The following LEKR1 variants were observed in gnomAD, a reference collection of about 807,000 sequenced individuals.
LEKR1 encodes the protein leucine, glutamate and lysine rich 1, also known as protein LEKR1.
LEKR1 carries 59 observed loss-of-function variants against 72.4 expected under a neutral mutation model. That is an observed-to-expected ratio of 0.82 (90% CI 0.66 to 1.01). The LOEUF is 1.01. LEKR1 is among the 50% of genes least tolerant of loss of function. The pLI is 0.00. For synonymous variants in LEKR1, 257 were observed against 263.2 expected, an observed-to-expected ratio of 0.98 and a Z score of 0.23; for missense variants, 728 against 759.2, an observed-to-expected ratio of 0.96 and a Z score of 0.48.
chr3:156,847,393 A>C (rs954925253), intron 2 of LEKR1, among the ~76,000 whole-genome samples: 2 of 152,222 alleles, frequency 1.3e-5, no homozygotes, highest in Non-Finnish European at 2.9e-5. Context: ...AGAACACCAG[A>C]ACATCCTGTT....
At chr3:157,000,980 C>T (rs758751272) in intron 9 of LEKR1, among the ~76,000 whole-genome samples, 3 of 152,188 alleles carry the variant, frequency 2.0e-5, no homozygotes, top group African/African-American at 7.2e-5. Flanking sequence ...CTTGGCACAT[C>T]TCCTTCCTGC....
In LEKR1 at chr3:157,045,415, A is replaced by C. The variant is rs1359744261; in HGVS notation, c.1744A>C (p.Arg582=). 3 of 1,614,172 alleles carry C rather than the reference A, an allele frequency of 1.9e-6. No homozygotes were observed. The South Asian group carries it at 3.3e-5, about 18-fold the overall frequency. The change falls in exon 13 of 13, where the codon AGA becomes CGA. Residue 582 remains arginine, a synonymous_variant. Transcript: ENST00000356539. ...FELTEALSQA[R]EQLLELSKLR... ...ACTGACAGAGGCTTTGAGTCAAGCC[A>C]GAGAACAGCTCCTGGAGCTCAGTAA...
At position 156,932,691 on chromosome 3, in the gene LEKR1, G is replaced by T. The variant is rs1303635266; in HGVS notation, c.559+5087G>T. Reference sequence around the variant, plus strand: ...ACTGCACTCCAGCCTGGGTGACAGAGTGAGACTCTGTCTCAAAAAAAAAAA... The same window carrying T: ...ACTGCACTCCAGCCTGGGTGACAGATTGAGACTCTGTCTCAAAAAAAAAAA... On this transcript the variant is annotated intron_variant, in intron 5 of 12. Coordinates refer to ENST00000356539, the MANE Select transcript of LEKR1 (RefSeq NM_001004316.3). 6.0e-5 allele frequency among the ~76,000 whole-genome samples: 8 copies of T among 132,492 alleles called. No homozygotes were observed. In the East Asian group the frequency reaches 1.7e-3, roughly 29 times the overall value. The allele number at this position is 132,492 out of a possible 152,430, so 86.9% of individuals were successfully genotyped here.
At chr3:156,979,065 G>A (rs1363289162) in intron 6 of LEKR1, 129 bp from the exon 7 acceptor site, 1 of 393,676 alleles carries the variant, frequency 2.5e-6, no homozygotes, top group African/African-American at 2.1e-5. Context: ...GGACATACAG[G>A]CAAAGTGGAA....
chr3:156,935,532 T>C (rs936031712), intron 5 of LEKR1, among the ~76,000 whole-genome samples: 20 of 152,206 alleles, frequency 1.3e-4, no homozygotes, highest in Admixed American at 7.2e-4. Flanking sequence ...AATAGCTATA[T>C]AAACATGCCA....
chr3:156,965,144 A>G (rs561727135), intron 6 of LEKR1, among the ~76,000 whole-genome samples: 1 of 152,282 alleles, frequency 6.6e-6, no homozygotes, highest in Admixed American at 6.5e-5. Context: ...TATTTTTCCT[A>G]TGTGATAGGT....
chr3:157,028,999 G>A (rs1352470724), intron 12 of LEKR1, among the ~76,000 whole-genome samples: 1 of 152,118 alleles, frequency 6.6e-6, no homozygotes, highest in East Asian at 1.9e-4. Flanking sequence ...TAGAAATACT[G>A]AAACAATTCA....
At chr3:156,902,515 G>A (rs1576785685) in intron 3 of LEKR1, among the ~76,000 whole-genome samples, 3 of 152,022 alleles carry the variant, frequency 2.0e-5, no homozygotes, top group South Asian at 2.1e-4. Context: ...GTATTTAGCT[G>A]AGGGACAAAC....
At chr3:156,993,350 A>G in intron 9 of LEKR1, 73 bp downstream of exon 9, 1 of 912,180 alleles carries the variant, frequency 1.1e-6, no homozygotes, top group South Asian at 1.8e-5. Context: ...TTGCAACATC[A>G]GTGTCTGACA....
At chr3:157,030,175 A>G (rs1048766690) in intron 12 of LEKR1, among the ~76,000 whole-genome samples, 2 of 152,140 alleles carry the variant, frequency 1.3e-5, no homozygotes, top group African/African-American at 4.8e-5. Context: ...ATTATTTTAA[A>G]CAACCAAATC....
At chr3:156,894,108 C>A (rs1261393642) in intron 3 of LEKR1, among the ~76,000 whole-genome samples, 1 of 152,198 alleles carries the variant, frequency 6.6e-6, no homozygotes, top group Non-Finnish European at 1.5e-5. Context: ...TTTAATGGAG[C>A]AGACTTCATC....
intron 3 of LEKR1, among the ~76,000 whole-genome samples, chr3:156,868,701 A>C (rs548320322): frequency 3.5e-4 from 53 of 152,112 alleles, no homozygotes; most frequent in African/African-American, 1.3e-3. Context: ...GAATATTTCA[A>C]ATTATCTCTT....
At chr3:156,876,046 A>G (rs150503926) in intron 3 of LEKR1, among the ~76,000 whole-genome samples, 35 of 150,178 alleles carry the variant, frequency 2.3e-4, no homozygotes, top group Non-Finnish European at 4.1e-4. Flanking sequence ...ATTCTTCTAC[A>G]TGTGGCTTGC....
intron 6 of LEKR1, among the ~76,000 whole-genome samples, chr3:156,946,687 A>G (rs1228546618): frequency 2.0e-5 from 3 of 151,406 alleles, no homozygotes; most frequent in African/African-American, 4.8e-5. Context: ...TTCAGAATCA[A>G]CTGAAACGAT....
intron 6 of LEKR1, among the ~76,000 whole-genome samples, chr3:156,964,318 A>G (rs1027750673): frequency 4.6e-5 from 7 of 152,026 alleles, no homozygotes; most frequent in African/African-American, 1.7e-4. Flanking sequence ...AAAAATATTC[A>G]TAGTATTCTG....
intron 3 of LEKR1, among the ~76,000 whole-genome samples, chr3:156,889,589 C>A (rs1379556583): frequency 6.6e-6 from 1 of 152,120 alleles, no homozygotes; most frequent in Non-Finnish European, 1.5e-5. Flanking sequence ...CCACCTAACT[C>A]TTTTCCTCTG....
intron 3 of LEKR1, among the ~76,000 whole-genome samples, chr3:156,902,852 G>GT (rs1722165103): frequency 6.6e-6 from 1 of 151,616 alleles, no homozygotes; most frequent in Non-Finnish European, 1.5e-5. Flanking sequence ...AATATATATA[G>GT]TTTTAAGAAC....
chr3:156,930,251 A>G (rs567183540), intron 5 of LEKR1, among the ~76,000 whole-genome samples: 1 of 152,332 alleles, frequency 6.6e-6, no homozygotes. Context: ...CATTGAAAAA[A>G]AATGAATGGA....
At chr3:156,859,990 A>G (rs1285682624) in intron 3 of LEKR1, among the ~76,000 whole-genome samples, 3 of 152,124 alleles carry the variant, frequency 2.0e-5, no homozygotes, top group Non-Finnish European at 4.4e-5. Context: ...TCTGGGATAT[A>G]TGAGAGTCAA....
Sources: allele counts gnomAD v4.1 joint callset (sites outside exome capture counted in the v4.1 genomes callset), GRCh38; gene constraint gnomAD v4.1.1; transcripts MANE v1.5; gene names NCBI Gene and HGNC (gene_info 2026-07-23, HGNC 2026-07-21).